Variants in NEK11 observed in about 807,000 individuals in gnomAD.
The protein encoded by NEK11 is NIMA related kinase 11, also known as serine/threonine-protein kinase Nek11.
In NEK11, 72 loss-of-function variants were observed where a neutral mutation model predicts 80.7. The observed-to-expected ratio is 0.89, with a 90% confidence interval of 0.74 to 1.08. NEK11 has a LOEUF of 1.08. Ranked by LOEUF, NEK11 falls within the 50% of genes least tolerant of loss-of-function variation. The pLI is 0.00. For synonymous variants in NEK11, 251 were observed against 260.7 expected (o/e 0.96, Z 0.36); for missense variants, 764 against 763.6 (o/e 1.00, Z -0.01).
At chr3:131,232,632 T>G (rs747183993) in intron 15 of NEK11, among the ~76,000 whole-genome samples, 5 of 152,214 alleles carry the variant, frequency 3.3e-5, no homozygotes, top group Non-Finnish European at 7.3e-5. Flanking sequence ...TTTGAAATTC[T>G]TAGGAAAAAC....
chr3:131,300,268 T>C (rs1393507797), intron 17 of NEK11, among the ~76,000 whole-genome samples: 1 of 152,212 alleles, frequency 6.6e-6, no homozygotes, highest in African/African-American at 2.4e-5. Flanking sequence ...TCCTTATAGA[T>C]TGTGAATATT....
chr3:131,344,993 G>T (rs1410790970), intron 17 of NEK11, among the ~76,000 whole-genome samples: 1 of 152,060 alleles, frequency 6.6e-6, no homozygotes, highest in Non-Finnish European at 1.5e-5. Context: ...TTTTATTTCT[G>T]ATGCATCTGT....
chr3:131,125,687 T>C (rs1176025372), intron 5 of NEK11, among the ~76,000 whole-genome samples: 1 of 152,196 alleles, frequency 6.6e-6, no homozygotes, highest in African/African-American at 2.4e-5. Flanking sequence ...GCACATAACA[T>C]CTAGTTGGCA....
intron 16 of NEK11, among the ~76,000 whole-genome samples, chr3:131,270,309 C>T (rs369309763): frequency 1.3e-5 from 2 of 152,216 alleles, no homozygotes; most frequent in Admixed American, 6.5e-5. Flanking sequence ...TAGAGCCTTA[C>T]TACTCAAAGT....
At chr3:131,155,391 T>C (rs752769138) in intron 10 of NEK11, among the ~76,000 whole-genome samples, 7 of 152,212 alleles carry the variant, frequency 4.6e-5, no homozygotes, top group Non-Finnish European at 1.0e-4. Flanking sequence ...TATAGAGAAG[T>C]TAATATCTCA....
At position 131,104,719 on chromosome 3, in the gene NEK11, T is replaced by C. The variant is rs2078919968; in HGVS notation, c.337-5084T>C. Among the ~76,000 whole-genome samples, 3 of 152,178 alleles carry C rather than the reference T, an allele frequency of 2.0e-5. 1 individual carries two copies. In the South Asian group the frequency reaches 6.2e-4, roughly 32 times the overall value. On this transcript the variant is annotated intron_variant, in intron 4 of 17. Transcript: ENST00000383366. Reference sequence around the variant, plus strand: ...CCTTTGTTTGTAGGGCTATGGCAGCTGGCACCAACATGCTCAGAGATCCAA... The same window carrying C: ...CCTTTGTTTGTAGGGCTATGGCAGCCGGCACCAACATGCTCAGAGATCCAA...
Position 131,057,352 on chromosome 3 carries a change from G to A in NEK11, c.171-23071G>A, listed in dbSNP as rs370319135. Reference sequence around the variant, plus strand: ...GAATAATGCCGCAGTAAACATACGTGTGCATGTGTCTTTATAGCAGCATGA... The same window carrying A: ...GAATAATGCCGCAGTAAACATACGTATGCATGTGTCTTTATAGCAGCATGA... On this transcript the variant is annotated intron_variant, in intron 3 of 17. Coordinates refer to ENST00000383366, the MANE Select transcript of NEK11 (RefSeq NM_024800.5). 2.6e-5 allele frequency among the ~76,000 whole-genome samples: 4 copies of A among 152,232 alleles called. No individual in the cohort carries two copies. In the East Asian group the frequency reaches 7.7e-4, roughly 29 times the overall value.
intron 14 of NEK11, among the ~76,000 whole-genome samples, chr3:131,184,370 C>A (rs923906710): frequency 2.6e-5 from 4 of 152,138 alleles, no homozygotes; most frequent in African/African-American, 7.2e-5. Flanking sequence ...AACAACATCT[C>A]AGTGATTCGT....
chr3:131,268,218 C>CT (rs2096102259), intron 16 of NEK11, among the ~76,000 whole-genome samples: 1 of 152,140 alleles, frequency 6.6e-6, no homozygotes. Flanking sequence ...TTAGAACATG[C>CT]TTTTTTAGCT....
At chr3:131,226,506 A>C (rs2095202675) in intron 14 of NEK11, among the ~76,000 whole-genome samples, 1 of 152,194 alleles carries the variant, frequency 6.6e-6, no homozygotes, top group East Asian at 1.9e-4. Context: ...TTAAAAAAAG[A>C]ATGAAATACT....
chr3:131,056,978 C>T (rs1410399756), intron 3 of NEK11, among the ~76,000 whole-genome samples: 3 of 151,048 alleles, frequency 2.0e-5, no homozygotes, highest in Non-Finnish European at 3.0e-5. Flanking sequence ...TGCTGGTGTG[C>T]TGCACCCATT....
intron 17 of NEK11, among the ~76,000 whole-genome samples, chr3:131,275,580 C>T (rs149665258): frequency 6.6e-6 from 1 of 152,224 alleles, no homozygotes; most frequent in East Asian, 1.9e-4. Context: ...GGTATTGCTC[C>T]TCTAGTGGAA....
chr3:131,337,210 C>G (rs568386798), intron 17 of NEK11, among the ~76,000 whole-genome samples: 2 of 152,248 alleles, frequency 1.3e-5, no homozygotes, highest in South Asian at 2.1e-4. Flanking sequence ...GACTTGGAAC[C>G]CACTCAAATG....
intron 5 of NEK11, among the ~76,000 whole-genome samples, chr3:131,131,364 T>C (rs2084443736): frequency 6.6e-6 from 1 of 152,190 alleles, no homozygotes; most frequent in Non-Finnish European, 1.5e-5. Flanking sequence ...GTGTTTTTTA[T>C]TTGGAAACTT....
At chr3:131,057,374 A>G (rs2069762597) in intron 3 of NEK11, among the ~76,000 whole-genome samples, 1 of 152,166 alleles carries the variant, frequency 6.6e-6, no homozygotes, top group Non-Finnish European at 1.5e-5. Flanking sequence ...TTATAGCAGC[A>G]TGATTTGTAG....
intron 14 of NEK11, among the ~76,000 whole-genome samples, chr3:131,225,875 A>G (rs1044043053): frequency 2.0e-5 from 3 of 152,234 alleles, no homozygotes; most frequent in African/African-American, 7.2e-5. Context: ...TTCGACTATA[A>G]AGATATTTAT....
chr3:131,316,037 G>GA (rs2096836058), intron 17 of NEK11, among the ~76,000 whole-genome samples: 1 of 151,972 alleles, frequency 6.6e-6, no homozygotes, highest in African/African-American at 2.4e-5. Context: ...GATATACAAA[G>GA]AAAATTCTCA....
intron 7 of NEK11, among the ~76,000 whole-genome samples, chr3:131,145,705 C>A (rs1296069565): frequency 2.0e-5 from 3 of 152,110 alleles, no homozygotes; most frequent in African/African-American, 7.2e-5. Context: ...GGCAGGATAG[C>A]ATAGAGAGTC....
intron 17 of NEK11, among the ~76,000 whole-genome samples, chr3:131,349,320 C>CT (rs1357614616): frequency 6.6e-6 from 1 of 152,114 alleles, no homozygotes; most frequent in Non-Finnish European, 1.5e-5. Flanking sequence ...CTTTGCCTAA[C>CT]TTGTTTACTG....
Sources: allele counts gnomAD v4.1 joint callset (sites outside exome capture counted in the v4.1 genomes callset), GRCh38; gene constraint gnomAD v4.1.1; transcripts MANE v1.5; gene names NCBI Gene and HGNC (gene_info 2026-07-23, HGNC 2026-07-21).